ELP4: variants seen among roughly 807,000 people sequenced by gnomAD.
The protein encoded by ELP4 is elongator complex protein 4.
A neutral mutation model predicts 48.9 loss-of-function variants in ELP4; 51 were observed. That is an observed-to-expected ratio of 1.04 (90% CI 0.83 to 1.32). The LOEUF is 1.32. Ranked by LOEUF, ELP4 falls within the 40% of genes most tolerant of loss-of-function variation. ELP4 has a pLI of 0.00. For missense variants in ELP4, 519 were observed against 514.6 expected (o/e 1.01, Z -0.08); for synonymous variants, 210 against 189.2 (o/e 1.11, Z -0.90).
rs558569053 is a variant in ELP4 at position 31,583,935 on chromosome 11, TTTAA to T, written c.382-10829_382-10826del. ...AGATTAACTTTTTCGTTCATTTAATTTTAATTAATATAAATTTAAATTTTAATAG... is the reference window on the plus strand; with the variant it reads ...AGATTAACTTTTTCGTTCATTTAATTTTAATATAAATTTAAATTTTAATAG... On this transcript the variant is annotated intron_variant, in intron 3 of 9. Transcript: ENST00000640961. Among the ~76,000 whole-genome samples the T allele has an allele frequency of 3.9e-3, 588 of 152,238 alleles. 6 individuals carry two copies. The highest frequency in any genetic ancestry group is 0.013 in the African/African-American group (561 of 41,564).
At chr11:31,767,581 A>C (rs539378151) in intron 9 of ELP4, 7 of 152,130 alleles carry the variant, frequency 4.6e-5, no homozygotes, top group South Asian at 2.1e-4. Context: ...AGCCAAACAA[A>C]CAACCAAAAA....
intron 9 of ELP4, among the ~76,000 whole-genome samples, chr11:31,658,586 A>G (rs1218527227): frequency 6.6e-6 from 1 of 151,978 alleles, no homozygotes; most frequent in Non-Finnish European, 1.5e-5. Context: ...CTATTTTGAT[A>G]CAGTCTAAAA....
intron 3 of ELP4, among the ~76,000 whole-genome samples, chr11:31,574,644 G>A (rs1209846481): frequency 1.3e-5 from 2 of 152,182 alleles, no homozygotes; most frequent in African/African-American, 4.8e-5. Context: ...CTGTTCTACA[G>A]CCTCCACTGG....
chr11:31,641,334 C>G (rs1945090069), intron 7 of ELP4, among the ~76,000 whole-genome samples: 1 of 151,642 alleles, frequency 6.6e-6, no homozygotes, highest in African/African-American at 2.4e-5. Flanking sequence ...AAGTCTGTAG[C>G]CCAAGAATTT....
In ELP4 at chr11:31,510,021, G is replaced by C; in HGVS notation, c.223+14G>C. ...ACCAGCTCTTAGGTCGGTTCAGAGC[G>C]GAGATCTGGGCTCAGCCGAGGGGAA... is the stretch of plus-strand genomic sequence containing the variant. On this transcript the variant is annotated intron_variant, in intron 1 of 9. Transcript: ENST00000640961. The C allele has an allele frequency of 6.2e-7, 1 of 1,604,186 alleles. No individual in the cohort carries two copies. Among genetic ancestry groups the C allele is most frequent in the Non-Finnish European group, 8.5e-7 (1 of 1,174,810 alleles).
chr11:31,568,772 TAACTC>T (rs961412646), intron 3 of ELP4, among the ~76,000 whole-genome samples: 4 of 151,996 alleles, frequency 2.6e-5, no homozygotes, highest in African/African-American at 7.2e-5. Context: ...TATACAAAAT[TAACTC>T]AAGATGGATT....
chr11:31,758,500 C>A (rs1947877866), intron 9 of ELP4, among the ~76,000 whole-genome samples: 1 of 152,112 alleles, frequency 6.6e-6, no homozygotes, highest in Non-Finnish European at 1.5e-5. Flanking sequence ...ACTATTATGA[C>A]CATGGACGTT....
intron 9 of ELP4, among the ~76,000 whole-genome samples, chr11:31,734,265 G>A (rs1947255344): frequency 1.3e-5 from 2 of 152,154 alleles, no homozygotes; most frequent in African/African-American, 4.8e-5. Flanking sequence ...CATACTGTAT[G>A]GTGAAAAACT....
At chr11:31,566,559 T>TA (rs1265978466) in intron 3 of ELP4, among the ~76,000 whole-genome samples, 1 of 152,174 alleles carries the variant, frequency 6.6e-6, no homozygotes, top group African/African-American at 2.4e-5. Flanking sequence ...CTGGTTAACT[T>TA]ACTAGCATGA....
intron 9 of ELP4, among the ~76,000 whole-genome samples, chr11:31,726,522 G>A (rs186841189): frequency 6.6e-6 from 1 of 152,248 alleles, no homozygotes; most frequent in African/African-American, 2.4e-5. Context: ...GCTGTGTAAC[G>A]CTAATTCTAT....
intron 9 of ELP4, chr11:31,662,685 T>A: frequency 2.5e-6 from 1 of 396,922 alleles, no homozygotes. Context: ...TGATAATGAT[T>A]TATACTCTTA....
chr11:31,590,414 T>G (rs907998011), intron 3 of ELP4, among the ~76,000 whole-genome samples: 1 of 152,142 alleles, frequency 6.6e-6, no homozygotes, highest in Non-Finnish European at 1.5e-5. Flanking sequence ...ATATAAAAAT[T>G]CACTTTCAAT....
intron 2 of ELP4, among the ~76,000 whole-genome samples, chr11:31,534,124 C>T (rs189777652): frequency 3.3e-5 from 5 of 152,270 alleles, no homozygotes; most frequent in South Asian, 2.1e-4. Flanking sequence ...GCGTGAGCCA[C>T]GGTACCCGGC....
At chr11:31,760,874 T>C (rs1947930828) in intron 9 of ELP4, among the ~76,000 whole-genome samples, 1 of 152,228 alleles carries the variant, frequency 6.6e-6, no homozygotes, top group South Asian at 2.1e-4. Flanking sequence ...AAAAATAACA[T>C]GTACTAATAA....
chr11:31,751,530 G>C (rs548565796), intron 9 of ELP4, among the ~76,000 whole-genome samples: 1 of 152,210 alleles, frequency 6.6e-6, no homozygotes, highest in East Asian at 1.9e-4. Flanking sequence ...GCTGAACTGG[G>C]AAGATGAGGA....
intron 5 of ELP4, among the ~76,000 whole-genome samples, chr11:31,608,869 G>A (rs906965732): frequency 6.6e-6 from 1 of 152,114 alleles, no homozygotes; most frequent in East Asian, 1.9e-4. Flanking sequence ...CCCTGCTATC[G>A]ATTAGAAAAG....
Position 31,650,169 on chromosome 11 carries a change from C to A in ELP4, c.1091C>A (p.Ser364Ter). Residue 364 changes from serine to a stop codon, truncating the protein, a stop_gained, in exon 9 of 10, where the codon TCA becomes TAA. Coordinates refer to ENST00000640961, the MANE Select transcript of ELP4 (RefSeq NM_019040.5). LOFTEE classifies it high-confidence loss of function. Reference protein sequence around the residue: ...PRLNNLICDESDVKDLAFKLK... With the variant: ...PRLNNLICDE ...CTTAATAACTTGATCTGTGATGAAT[C>A]AGATGTCAAAGACTTAGCTTTTAAA... is the stretch of plus-strand genomic sequence containing the variant. The A allele has an allele frequency of 6.5e-7, 1 of 1,535,340 alleles. No homozygotes were observed. Among genetic ancestry groups the A allele is most frequent in the Non-Finnish European group, 9.0e-7 (1 of 1,115,396 alleles).
At chr11:31,771,924 G>T (rs1948152484) in intron 9 of ELP4, among the ~76,000 whole-genome samples, 1 of 152,008 alleles carries the variant, frequency 6.6e-6, no homozygotes, top group Non-Finnish European at 1.5e-5. Flanking sequence ...GGAGGTTGCA[G>T]TGAGCCAAGA....
At chr11:31,757,346 C>T (rs182321224) in intron 9 of ELP4, among the ~76,000 whole-genome samples, 1 of 152,084 alleles carries the variant, frequency 6.6e-6, no homozygotes. Flanking sequence ...ACATTTTTAC[C>T]TCATTGAATT....
Sources: gnomAD v4.1 joint callset for allele counts (sites outside exome capture counted in the v4.1 genomes callset) on GRCh38, gnomAD v4.1.1 for gene constraint, MANE v1.5 for transcripts, NCBI Gene and HGNC (gene_info 2026-07-23, HGNC 2026-07-21) for gene names.